Variants in COPG2 observed in about 807,000 individuals in gnomAD.
The protein encoded by COPG2 is coatomer subunit gamma-2.
In COPG2, 37 loss-of-function variants were observed where a neutral mutation model predicts 46.3. The observed-to-expected ratio is 0.80, with a 90% CI of 0.61 to 1.05. The LOEUF (loss-of-function observed/expected upper bound fraction) is 1.05. Among genes scored for constraint, COPG2 ranks in the 50% least tolerant of loss-of-function variants. The probability of loss-of-function intolerance (pLI) is 0.00; values close to 1 mark genes in which losing one functional copy is unlikely to be tolerated. For synonymous variants in COPG2, 159 were observed against 129.7 expected, an observed-to-expected ratio of 1.23 and a Z score of -1.53; for missense variants, 427 against 387.8, an observed-to-expected ratio of 1.10 and a Z score of -0.85.
chr7:130,575,408 C>T (rs1554446071), intron 9 of COPG2, among the ~76,000 whole-genome samples: 2 of 152,158 alleles, frequency 1.3e-5, no homozygotes, highest in African/African-American at 4.8e-5. Context: ...TCAGTCTCCT[C>T]AAACAAGACA....
At chr7:130,624,684 A>C (rs1201478844) in intron 5 of COPG2, among the ~76,000 whole-genome samples, 1 of 152,164 alleles carries the variant, frequency 6.6e-6, no homozygotes, top group African/African-American at 2.4e-5. Context: ...TTTTCCATTC[A>C]AGTTACTTGA....
intron 9 of COPG2, 179 bp downstream of exon 9, chr7:130,610,774 T>C (rs1430929900): frequency 2.9e-6 from 2 of 698,952 alleles, no homozygotes; most frequent in African/African-American, 1.8e-5. Flanking sequence ...TACAAGAGCA[T>C]ACAGTAAGGT....
In COPG2 at chr7:130,595,888, G is replaced by A. The variant is rs555524858; in HGVS notation, c.737+15065C>T. Reference sequence around the variant, plus strand: ...GCCACATCAGAACCACCAGCAGTTGGTAAGTCCCATTGGGGCCTTAATTGG... The same window carrying A: ...GCCACATCAGAACCACCAGCAGTTGATAAGTCCCATTGGGGCCTTAATTGG... On this transcript the variant is annotated intron_variant, in intron 9 of 23. Coordinates refer to ENST00000425248, the MANE Select transcript of COPG2 (RefSeq NM_012133.6). Among the ~76,000 whole-genome samples the A allele has an allele frequency of 6.2e-4, 95 of 152,292 alleles. 1 individual carries two copies. The highest frequency in any genetic ancestry group is 2.2e-3 in the African/African-American group (92 of 41,550).
At chr7:130,657,564 GC>G (rs1795881258) in intron 4 of COPG2, among the ~76,000 whole-genome samples, 1 of 152,076 alleles carries the variant, frequency 6.6e-6, no homozygotes, top group Non-Finnish European at 1.5e-5. Flanking sequence ...TAAAACTTCT[GC>G]CCTTTGAAAG....
At chr7:130,533,525 A>G (rs1018578835) in intron 20 of COPG2, among the ~76,000 whole-genome samples, 14 of 152,026 alleles carry the variant, frequency 9.2e-5, no homozygotes, top group Non-Finnish European at 1.6e-4. Context: ...TGTATCAGTG[A>G]GGGAGAAGGT....
At chr7:130,596,908 G>T (rs919023068) in intron 9 of COPG2, among the ~76,000 whole-genome samples, 34 of 152,218 alleles carry the variant, frequency 2.2e-4, no homozygotes, top group Admixed American at 2.2e-3. Context: ...AAAATGGGGT[G>T]CAATGGCCAG....
At chr7:130,561,435 C>T (rs1793717972) in intron 11 of COPG2, among the ~76,000 whole-genome samples, 1 of 152,148 alleles carries the variant, frequency 6.6e-6, no homozygotes, top group South Asian at 2.1e-4. Context: ...TTGTTAGGTT[C>T]CTCTAACCTT....
At chr7:130,567,594 C>T (rs1793825397) in intron 9 of COPG2, among the ~76,000 whole-genome samples, 2 of 152,110 alleles carry the variant, frequency 1.3e-5, no homozygotes, top group African/African-American at 4.8e-5. Flanking sequence ...GGAAAACCTA[C>T]CAGATTAACA....
intron 5 of COPG2, among the ~76,000 whole-genome samples, chr7:130,648,085 T>C (rs1289913765): frequency 1.3e-5 from 2 of 152,186 alleles, no homozygotes; most frequent in African/African-American, 4.8e-5. Context: ...GTTAAGAACA[T>C]TGTGCTTATT....
At chr7:130,514,607 G>A (rs1799662967) in intron 20 of COPG2, among the ~76,000 whole-genome samples, 1 of 152,192 alleles carries the variant, frequency 6.6e-6, no homozygotes, top group Non-Finnish European at 1.5e-5. Flanking sequence ...GGAGGCTGAA[G>A]ATAAGGTAGC....
At position 130,666,854 on chromosome 7, in the gene COPG2, T is replaced by G. The variant is rs1554461496; in HGVS notation, c.166A>C (p.Asn56His). Residue 56 changes from asparagine to histidine, a missense_variant, in exon 3 of 24, where the codon AAC becomes CAC. Coordinates refer to ENST00000425248, the MANE Select transcript of COPG2 (RefSeq NM_012133.6). ...HILTKILYLL[N>H]QGEHFGTTEA... ...GGAAAATAAAAATAATATACCTGGT[T>G]CAGTAAGTAAAGAATCTTTGTAAGA... 2 of 1,431,808 alleles carry G rather than the reference T, an allele frequency of 1.4e-6. No individual in the cohort carries two copies. The highest frequency in any genetic ancestry group is 1.8e-5 in the Admixed American group (1 of 55,192). The allele number at this position is 1,431,808 out of a possible 1,614,324, so 88.7% of individuals were successfully genotyped here. A position where few individuals can be genotyped will look rare whatever the true frequency, so the allele number is the denominator to read the frequency against.
rs1799542697 is a variant in COPG2, at chr7:130,508,616, GT to G, written c.2192del (p.Asp731AlafsTer25). ...FSCTMKFTVR[D>X]CDPNTGVPDE... ...CTGGAACTCCAGTGTTAGGGTCACA[GT>G]CCCGGACTGTAAACTTCATGGTGCA... On this transcript the variant is annotated frameshift_variant, in exon 21 of 24. Transcript: ENST00000425248. LOFTEE classifies it high-confidence loss of function. The G allele has an allele frequency of 1.3e-6, 1 of 775,254 alleles. No homozygotes were observed. Among genetic ancestry groups the G allele is most frequent in the African/African-American group, 1.7e-5 (1 of 59,094 alleles). 48.0% of individuals were successfully genotyped at this position (775,254 alleles called of 1,614,324 possible).
At chr7:130,552,496 GA>G (rs1490869051) in intron 14 of COPG2, 66 bp from the exon 15 acceptor site, 3 of 396,926 alleles carry the variant, frequency 7.6e-6, no homozygotes, top group Non-Finnish European at 1.3e-5. Context: ...ATAACCATTT[GA>G]AAAAAAATTA....
At chr7:130,587,484 A>T (rs1794299373) in intron 9 of COPG2, among the ~76,000 whole-genome samples, 1 of 152,038 alleles carries the variant, frequency 6.6e-6, no homozygotes. Flanking sequence ...AAAAATTTTA[A>T]TTGTACAATA....
chr7:130,585,429 C>A (rs952825276), intron 9 of COPG2, among the ~76,000 whole-genome samples: 2 of 151,980 alleles, frequency 1.3e-5, no homozygotes, highest in Non-Finnish European at 2.9e-5. Flanking sequence ...TGATCAAGAA[C>A]CCAAAAGCAA....
intron 5 of COPG2, among the ~76,000 whole-genome samples, chr7:130,619,251 T>C (rs917152462): frequency 2.0e-5 from 3 of 152,212 alleles, no homozygotes; most frequent in Non-Finnish European, 4.4e-5. Context: ...ACTAATGAAC[T>C]GAATTTTCAA....
intron 5 of COPG2, among the ~76,000 whole-genome samples, 177 bp from the exon 6 acceptor site, chr7:130,617,242 A>T (rs1794966356): frequency 6.6e-6 from 1 of 152,234 alleles, no homozygotes; most frequent in Non-Finnish European, 1.5e-5. Context: ...GACTGTTCTA[A>T]TTCAAGAATA....
At chr7:130,661,383 T>C (rs1293476797) in intron 4 of COPG2, among the ~76,000 whole-genome samples, 3 of 152,216 alleles carry the variant, frequency 2.0e-5, no homozygotes, top group Non-Finnish European at 2.9e-5. Flanking sequence ...CCATGACTTA[T>C]GTAACAGCCT....
intron 15 of COPG2, among the ~76,000 whole-genome samples, 165 bp from the exon 16 acceptor site, chr7:130,551,509 T>C (rs1020900215): frequency 2.6e-5 from 4 of 152,194 alleles, no homozygotes; most frequent in Non-Finnish European, 5.9e-5. Context: ...AAATCTTGGG[T>C]ACTGCTCTGA....
Sources: gnomAD v4.1 joint callset for allele counts (sites outside exome capture counted in the v4.1 genomes callset) on GRCh38, gnomAD v4.1.1 for gene constraint, MANE v1.5 for transcripts, NCBI Gene and HGNC (gene_info 2026-07-23, HGNC 2026-07-21) for gene names.